Variants in TSGA10 observed in about 807,000 individuals in gnomAD.
TSGA10 encodes the protein testis-specific gene 10 protein.
TSGA10 carries 43 observed loss-of-function variants against 96.6 expected under a neutral mutation model. The observed-to-expected ratio is 0.44, with a 90% CI of 0.35 to 0.57. TSGA10 has a LOEUF of 0.57. TSGA10 is among the 20% of genes least tolerant of loss of function. TSGA10 has a pLI of 0.01. For synonymous variants in TSGA10, 229 were observed against 269.9 expected, an observed-to-expected ratio of 0.85 and a Z score of 1.48; for missense variants, 703 against 834.4, an observed-to-expected ratio of 0.84 and a Z score of 1.94.
At chr2:99,037,233 C>T (rs1242019789) in intron 16 of TSGA10, among the ~76,000 whole-genome samples, 1 of 152,152 alleles carries the variant, frequency 6.6e-6, no homozygotes, top group African/African-American at 2.4e-5. Flanking sequence ...CTAAGACAGA[C>T]TACGTATGCC....
chr2:99,081,274 A>G lies in TSGA10; in HGVS notation c.727+8T>C. The G allele has an allele frequency of 6.7e-7, 1 of 1,493,300 alleles. No homozygotes were observed. The highest frequency in any genetic ancestry group is 9.1e-7 in the Non-Finnish European group (1 of 1,100,400). 92.5% of individuals were successfully genotyped at this position (1,493,300 alleles called of 1,614,324 possible). On this transcript the variant is annotated splice_region_variant and intron_variant, in intron 11 of 20. Coordinates refer to ENST00000393483, the MANE Select transcript of TSGA10 (RefSeq NM_025244.4). ...AACTAAAAGTAATATTAAGAGAAAA[A>G]AACTCACCAATTTTTTCATCCAAGC...
chr2:98,998,364 A>G (rs1382587162), intron 20 of TSGA10, 143 bp from the exon 21 acceptor site: 1 of 660,384 alleles, frequency 1.5e-6, no homozygotes, highest in African/African-American at 1.9e-5. Flanking sequence ...AAAACAATAT[A>G]TTTTTTCACT....
chr2:99,138,197 C>T (rs900658154), intron 1 of TSGA10, among the ~76,000 whole-genome samples: 14 of 152,212 alleles, frequency 9.2e-5, no homozygotes, highest in African/African-American at 3.4e-4. Context: ...ACACTTTCTA[C>T]CCAGCCTTTC....
At chr2:99,128,455 C>T (rs1403942773) in intron 1 of TSGA10, among the ~76,000 whole-genome samples, 2 of 152,156 alleles carry the variant, frequency 1.3e-5, no homozygotes, top group African/African-American at 2.4e-5. Context: ...GAAACGACTC[C>T]TCACTAGAGC....
At chr2:99,124,923 C>T (rs575022227) in intron 2 of TSGA10, 3 of 152,212 alleles carry the variant, frequency 2.0e-5, no homozygotes, top group Middle Eastern at 3.4e-3. Flanking sequence ...TATAACTTAC[C>T]TTAGGGTTCA....
chr2:99,076,264 T>G lies in TSGA10; in HGVS notation c.882+2395A>C, dbSNP rs557913067. ...ATTTTACTTCCTTAAGAGACCTATT[T>G]CTCTCACTGATACTCCTACTATTCT... is the stretch of plus-strand genomic sequence containing the variant. On this transcript the variant is annotated intron_variant, in intron 12 of 20. Coordinates refer to ENST00000393483, the MANE Select transcript of TSGA10 (RefSeq NM_025244.4). 2.2e-4 allele frequency among the ~76,000 whole-genome samples: 34 copies of G among 152,298 alleles called. 1 individual carries two copies. Among genetic ancestry groups the G allele is most frequent in the African/African-American group, 7.9e-4 (33 of 41,576 alleles).
intron 12 of TSGA10, 82 bp from the exon 13 acceptor site, chr2:99,073,155 C>A: frequency 1.1e-6 from 1 of 930,086 alleles, no homozygotes. Context: ...AAGAAAATTT[C>A]CCTTTCCCTT....
chr2:99,040,279 C>T (rs532161175), intron 16 of TSGA10, among the ~76,000 whole-genome samples: 8 of 152,064 alleles, frequency 5.3e-5, no homozygotes, highest in Admixed American at 4.6e-4. Flanking sequence ...AGCAATCAGA[C>T]AACAGAAAGA....
At chr2:99,050,926 T>C (rs183649145) in intron 16 of TSGA10, among the ~76,000 whole-genome samples, 2 of 152,278 alleles carry the variant, frequency 1.3e-5, no homozygotes, top group African/African-American at 2.4e-5. Context: ...GATATGTTTA[T>C]ATACACAAAT....
intron 16 of TSGA10, among the ~76,000 whole-genome samples, chr2:99,046,953 A>T (rs1161102273): frequency 6.6e-6 from 1 of 152,240 alleles, no homozygotes; most frequent in Non-Finnish European, 1.5e-5. Flanking sequence ...ACCTCTACAC[A>T]AATAAACTTG....
chr2:99,004,973 C>G (rs1304849617), intron 20 of TSGA10, among the ~76,000 whole-genome samples: 3 of 152,198 alleles, frequency 2.0e-5, no homozygotes, highest in Non-Finnish European at 4.4e-5. Flanking sequence ...CCCTGGGATG[C>G]AAGGCTGGTT....
In TSGA10 at chr2:99,108,929, G is replaced by A. The variant is rs2091578880; in HGVS notation, c.114C>T (p.Cys38=). 7 of 1,607,878 alleles carry A rather than the reference G, an allele frequency of 4.4e-6. No individual in the cohort carries two copies. Among genetic ancestry groups the A allele is most frequent in the Non-Finnish European group, 5.9e-6 (7 of 1,178,020 alleles). The part of the protein sequence containing the change: ...TTTRDREELK[C]MLEKYERHLA... Reference sequence around the variant, plus strand: ...AATGGCGCTCATATTTTTCCAGCATGCATTTAAGTTCTTCACGATCTCTTG... The same window carrying A: ...AATGGCGCTCATATTTTTCCAGCATACATTTAAGTTCTTCACGATCTCTTG... Residue 38 remains cysteine (C), a synonymous_variant, in exon 7 of 21, where the codon TGC becomes TGT. Coordinates refer to ENST00000393483, the MANE Select transcript of TSGA10 (RefSeq NM_025244.4).
intron 12 of TSGA10, among the ~76,000 whole-genome samples, chr2:99,076,070 A>G (rs1334169740): frequency 6.6e-6 from 1 of 152,112 alleles, no homozygotes; most frequent in African/African-American, 2.4e-5. Context: ...TCCAAACCTA[A>G]AAGTCCAAGA....
intron 20 of TSGA10, among the ~76,000 whole-genome samples, chr2:99,003,108 C>T (rs990407076): frequency 1.4e-4 from 22 of 152,256 alleles, no homozygotes; most frequent in African/African-American, 3.6e-4. Context: ...CCACCTGCCT[C>T]GGCCTCCCAA....
intron 10 of TSGA10, among the ~76,000 whole-genome samples, chr2:99,081,760 G>C (rs370751704): frequency 2.1e-4 from 32 of 152,224 alleles, no homozygotes; most frequent in African/African-American, 7.7e-4. Flanking sequence ...TGAGGCCATA[G>C]AGATGTCTGC....
At chr2:99,074,000 C>CTTTTCTTTTT (rs2086308030) in intron 12 of TSGA10, among the ~76,000 whole-genome samples, 1 of 52,608 alleles carries the variant, frequency 1.9e-5, no homozygotes, top group Non-Finnish European at 3.7e-5. Flanking sequence ...TGTTTCTTTT[C>CTTTTCTTTTT]TTTTTTTTTT....
chr2:99,008,294 TA>T (rs1558703886), intron 20 of TSGA10, among the ~76,000 whole-genome samples: 2 of 152,186 alleles, frequency 1.3e-5, no homozygotes, highest in African/African-American at 4.8e-5. Flanking sequence ...TGGTAGCATA[TA>T]TCACCAATAA....
At chr2:99,057,186 C>T (rs1017009447) in intron 16 of TSGA10, among the ~76,000 whole-genome samples, 12 of 152,040 alleles carry the variant, frequency 7.9e-5, no homozygotes, top group African/African-American at 2.7e-4. Context: ...CCTTCTGGAC[C>T]CTTCTATTCA....
At chr2:99,049,465 C>A (rs2083158035) in intron 16 of TSGA10, among the ~76,000 whole-genome samples, 1 of 152,056 alleles carries the variant, frequency 6.6e-6, no homozygotes. Context: ...TCATTCTCAG[C>A]AAACTAACAC....
Sources: gnomAD v4.1 joint callset for allele counts (sites outside exome capture counted in the v4.1 genomes callset) on GRCh38, gnomAD v4.1.1 for gene constraint, MANE v1.5 for transcripts, NCBI Gene and HGNC (gene_info 2026-07-23, HGNC 2026-07-21) for gene names.